TSGA10: variants seen among roughly 807,000 people sequenced by gnomAD.
TSGA10 encodes testis specific 10, also known as testis-specific gene 10 protein.
A neutral mutation model predicts 96.6 loss-of-function variants in TSGA10; 43 were observed. That is an observed-to-expected ratio of 0.44 (90% CI 0.35 to 0.57). The LOEUF is 0.57. Among genes scored for constraint, TSGA10 ranks in the 20% least tolerant of loss-of-function variants. The pLI, the probability that TSGA10 is intolerant of heterozygous loss-of-function variation, is 0.01. For missense variants in TSGA10, 703 were observed against 834.4 expected (o/e 0.84, Z 1.94); for synonymous variants, 229 against 269.9 (o/e 0.85, Z 1.48).
In TSGA10 at chr2:99,073,002, T is replaced by C. The variant is rs751082837; in HGVS notation, c.938+16A>G. The C allele has an allele frequency of 1.4e-5, 23 of 1,597,876 alleles. No homozygotes were observed. Among genetic ancestry groups the C allele is most frequent in the Admixed American group, 3.4e-5 (2 of 59,482 alleles). ...CCCCAGTAAGAGCTCATATATTTGT[T>C]GCACGACTGATTTACCTTGATGCCT... On this transcript the variant is annotated intron_variant, in intron 13 of 20. Transcript: ENST00000393483.
chr2:99,013,879 G>A (rs955906963), intron 20 of TSGA10, among the ~76,000 whole-genome samples: 7 of 151,664 alleles, frequency 4.6e-5, no homozygotes, highest in South Asian at 2.1e-4. Flanking sequence ...AAGGCTGGGC[G>A]CAGTGCCTCA....
intron 6 of TSGA10, 104 bp downstream of exon 6, chr2:99,109,285 C>A: frequency 7.7e-7 from 1 of 1,295,304 alleles, no homozygotes; most frequent in South Asian, 1.2e-5. Context: ...AACAGCAATT[C>A]ACAGCAAATC....
chr2:99,119,002 C>G (rs1290449658), intron 2 of TSGA10, among the ~76,000 whole-genome samples: 3 of 152,032 alleles, frequency 2.0e-5, no homozygotes, highest in Non-Finnish European at 4.4e-5. Flanking sequence ...AAAAAAAACA[C>G]TCGCACACAG....
rs1398120682 is a variant in TSGA10, at chr2:99,102,237, T to C, written c.611+1730A>G. On this transcript the variant is annotated intron_variant, in intron 10 of 20. Transcript: ENST00000393483. ...GAACTTCAGTGAAGTATTCCAGAAG[T>C]TAGTACCTGGTGGCAAAGCTACTTT... 107 of 1,612,080 alleles carry C rather than the reference T, an allele frequency of 6.6e-5. 2 individuals are homozygous for C. The Admixed American group carries it at 1.7e-3, about 26-fold the overall frequency.
intron 15 of TSGA10, among the ~76,000 whole-genome samples, chr2:99,066,347 T>C (rs1338211970): frequency 1.3e-5 from 2 of 152,194 alleles, no homozygotes; most frequent in Non-Finnish European, 2.9e-5. Context: ...ACAATCATAG[T>C]TGTGTACAGA....
chr2:99,064,240 A>T (rs1053013690), intron 16 of TSGA10, among the ~76,000 whole-genome samples: 1 of 152,208 alleles, frequency 6.6e-6, no homozygotes, highest in South Asian at 2.1e-4. Flanking sequence ...AAGTGAAAAA[A>T]AATTAACTTT....
chr2:99,073,995 C>CTTTTTTTTTTTTT (rs2086298056), intron 12 of TSGA10, among the ~76,000 whole-genome samples: 4 of 36,138 alleles, frequency 1.1e-4, no homozygotes, highest in African/African-American at 4.5e-4. Flanking sequence ...GTTCCTGTTT[C>CTTTTTTTTTTTTT]TTTTCTTTTT....
intron 17 of TSGA10, among the ~76,000 whole-genome samples, chr2:99,033,855 C>G (rs937796672): frequency 6.6e-6 from 1 of 151,898 alleles, no homozygotes; most frequent in Non-Finnish European, 1.5e-5. Context: ...CAAAAAAAGC[C>G]AAACTGGAAT....
In TSGA10 at chr2:99,141,181, A is replaced by G. The variant is rs575913129; in HGVS notation, c.-621+13512T>C. 2.4e-6 allele frequency: 3 copies of G among 1,231,022 alleles called. No individual in the cohort carries two copies. The South Asian group carries it at 4.0e-5, about 16-fold the overall frequency. The allele number at this position is 1,231,022 out of a possible 1,614,324, so 76.3% of individuals were successfully genotyped here. A position where few individuals can be genotyped will look rare whatever the true frequency, so the allele number is the denominator to read the frequency against. On this transcript the variant is annotated intron_variant, in intron 1 of 20. Transcript: ENST00000393483. ...TCTCGGCCTCAGCGGGGGATACAAG[A>G]ACCGCCCACTCTCCATCCTCCGCCC...
chr2:99,101,778 G>A (rs2090771773), intron 10 of TSGA10, among the ~76,000 whole-genome samples: 1 of 152,156 alleles, frequency 6.6e-6, no homozygotes, highest in African/African-American at 2.4e-5. Context: ...TATGCTAAGT[G>A]AAATAAGACA....
chr2:99,112,782 T>C (rs2091925181), intron 4 of TSGA10, among the ~76,000 whole-genome samples: 1 of 149,826 alleles, frequency 6.7e-6, no homozygotes, highest in Non-Finnish European at 1.5e-5. Flanking sequence ...ACAGGGAGTG[T>C]GTGCAGGGAA....
chr2:99,134,971 G>A (rs566319956), intron 1 of TSGA10, among the ~76,000 whole-genome samples: 2 of 152,246 alleles, frequency 1.3e-5, no homozygotes, highest in South Asian at 2.1e-4. Context: ...TGAAAGCTTC[G>A]TCCCAGAGGG....
rs1054348796 is a variant in TSGA10 at position 99,073,850 on chromosome 2, T to C, written c.883-777A>G. ...TATAAACAGATACTTAGAGCTAACATTAGCCCTAAAAAAGTAAGAAAGTTA... is the reference window on the plus strand; with the variant it reads ...TATAAACAGATACTTAGAGCTAACACTAGCCCTAAAAAAGTAAGAAAGTTA... On this transcript the variant is annotated intron_variant, in intron 12 of 20. Coordinates refer to ENST00000393483, the MANE Select transcript of TSGA10 (RefSeq NM_025244.4). Among the ~76,000 whole-genome samples the C allele has an allele frequency of 1.1e-4, 16 of 151,988 alleles. 1 individual carries two copies. Among genetic ancestry groups the C allele is most frequent in the Admixed American group, 3.3e-4 (5 of 15,266 alleles).
At chr2:99,075,169 T>A (rs2086551393) in intron 12 of TSGA10, among the ~76,000 whole-genome samples, 2 of 152,216 alleles carry the variant, frequency 1.3e-5, no homozygotes, top group Non-Finnish European at 2.9e-5. Context: ...ATTTCTCAAA[T>A]GTGCCATCAT....
At chr2:99,109,587 T>C in intron 5 of TSGA10, 75 bp from the exon 6 acceptor site, 1 of 1,264,284 alleles carries the variant, frequency 7.9e-7, no homozygotes, top group Non-Finnish European at 1.0e-6. Flanking sequence ...TAGACCATTA[T>C]TTCAAGCTAA....
chr2:99,046,053 G>A (rs548359182), intron 16 of TSGA10, among the ~76,000 whole-genome samples: 153 of 152,036 alleles, frequency 1.0e-3, no homozygotes, highest in Middle Eastern at 3.2e-3. Context: ...CCCAATACAG[G>A]AGCACCCAGA....
chr2:99,102,041 T>C (rs1340812628), intron 10 of TSGA10: 7 of 1,425,832 alleles, frequency 4.9e-6, no homozygotes, highest in African/African-American at 2.8e-5. Flanking sequence ...AGTACAGCCA[T>C]GTTAACAAAA....
chr2:99,152,273 A>G (rs146047402), intron 1 of TSGA10, among the ~76,000 whole-genome samples: 324 of 152,296 alleles, frequency 2.1e-3, no homozygotes, highest in Middle Eastern at 6.8e-3. Flanking sequence ...ACATAACACA[A>G]CACAAGACAT....
chr2:99,072,305 C>A (rs1420462345), intron 13 of TSGA10, among the ~76,000 whole-genome samples: 1 of 152,146 alleles, frequency 6.6e-6, no homozygotes, highest in Non-Finnish European at 1.5e-5. Context: ...GGTTCCCAAC[C>A]CCATCTAGAT....
Sources: gnomAD v4.1 joint callset for allele counts (sites outside exome capture counted in the v4.1 genomes callset) on GRCh38, gnomAD v4.1.1 for gene constraint, MANE v1.5 for transcripts, NCBI Gene and HGNC (gene_info 2026-07-23, HGNC 2026-07-21) for gene names.